Variants in HIF3A observed in about 807,000 individuals in gnomAD.
The protein encoded by HIF3A is hypoxia-inducible factor 3-alpha.
HIF3A carries 41 observed loss-of-function variants against 67.2 expected under a neutral mutation model. That is an observed-to-expected ratio of 0.61 (90% CI 0.48 to 0.79). The LOEUF (loss-of-function observed/expected upper bound fraction) is 0.79, where lower values mean the gene tolerates loss of function less well. HIF3A is among the 30% of genes least tolerant of loss of function. The probability of loss-of-function intolerance (pLI) is 0.00; values close to 1 mark genes in which losing one functional copy is unlikely to be tolerated. For synonymous variants in HIF3A, 356 were observed against 374.8 expected, an observed-to-expected ratio of 0.95 and a Z score of 0.58; for missense variants, 855 against 898.0, an observed-to-expected ratio of 0.95 and a Z score of 0.61.
At chr19:46,333,788 C>CTTTTTTTTTTTTTTTT (rs1165101162) in intron 13 of HIF3A, among the ~76,000 whole-genome samples, 27 of 103,566 alleles carry the variant, frequency 2.6e-4, no homozygotes, top group South Asian at 6.5e-4. Context: ...TTCTTTCTTT[C>CTTTTTTTTTTTTTTTT]TTTTTTTTTT....
In HIF3A at chr19:46,339,729, C is replaced by T; in HGVS notation, c.*107C>T. 1 of 710,646 alleles carries T rather than the reference C, an allele frequency of 1.4e-6. No homozygotes were observed. Among genetic ancestry groups the T allele is most frequent in the African/African-American group, 1.8e-5 (1 of 55,604 alleles). The allele number at this position is 710,646 out of a possible 1,614,324, so 44.0% of individuals were successfully genotyped here. A position where few individuals can be genotyped will look rare whatever the true frequency, so the allele number is the denominator to read the frequency against. ...TGGGGGCGCCAGGAGAGGGGCCCCT[C>T]TCTCCTCTATGTACCCCCTGCCCAC... On this transcript the variant is annotated 3_prime_UTR_variant, in exon 15 of 15. Transcript: ENST00000377670.
chr19:46,319,046 T>G (rs1970159716), intron 8 of HIF3A, among the ~76,000 whole-genome samples: 1 of 152,120 alleles, frequency 6.6e-6, no homozygotes, highest in African/African-American at 2.4e-5. Flanking sequence ...CAGCAGTGCT[T>G]GATGAGGATA....
intron 1 of HIF3A, among the ~76,000 whole-genome samples, chr19:46,300,023 T>C (rs1295693553): frequency 6.6e-6 from 1 of 152,162 alleles, no homozygotes; most frequent in African/African-American, 2.4e-5. Context: ...CATAGTTCAG[T>C]GTCAATGGAG....
intron 1 of HIF3A, among the ~76,000 whole-genome samples, chr19:46,301,977 C>T (rs1339088281): frequency 6.6e-6 from 1 of 151,734 alleles, no homozygotes; most frequent in East Asian, 1.9e-4. Flanking sequence ...CTGCCTATTA[C>T]TAATAGTAAT....
At chr19:46,320,895 T>C (rs1398252899) in intron 9 of HIF3A, among the ~76,000 whole-genome samples, 1 of 152,184 alleles carries the variant, frequency 6.6e-6, no homozygotes, top group Non-Finnish European at 1.5e-5. Context: ...TTCTGCCTCT[T>C]CCCTGTTCTG....
chr19:46,332,617 C>T (rs1377412328), intron 13 of HIF3A, among the ~76,000 whole-genome samples: 1 of 152,220 alleles, frequency 6.6e-6, no homozygotes, highest in African/African-American at 2.4e-5. Flanking sequence ...TCATGGCCCT[C>T]TAGTGCTTAC....
chr19:46,312,486 C>T lies in HIF3A; in HGVS notation c.878-20C>T. 3 of 1,613,664 alleles carry T rather than the reference C, an allele frequency of 1.9e-6. No homozygotes were observed. Among genetic ancestry groups the T allele is most frequent in the African/African-American group, 1.3e-5 (1 of 75,010 alleles). Reference sequence around the variant, plus strand: ...TTTGCCCCCTTGGTGGCCCTGATCCCTCCCGATCCCCCTCCTCAGTGCTGA... The same window carrying T: ...TTTGCCCCCTTGGTGGCCCTGATCCTTCCCGATCCCCCTCCTCAGTGCTGA... On this transcript the variant is annotated intron_variant, in intron 7 of 14. Transcript: ENST00000377670.
chr19:46,297,152 T>A lies in HIF3A; in HGVS notation c.26+50T>A. 1 of 444,514 alleles carries A rather than the reference T, an allele frequency of 2.2e-6. No homozygotes were observed. Among genetic ancestry groups the A allele is most frequent in the Non-Finnish European group, 3.4e-6 (1 of 298,074 alleles). The allele number at this position is 444,514 out of a possible 1,614,324, so 27.5% of individuals were successfully genotyped here. A position where few individuals can be genotyped will look rare whatever the true frequency, so the allele number is the denominator to read the frequency against. On this transcript the variant is annotated intron_variant, in intron 1 of 14. Coordinates refer to ENST00000377670, the MANE Select transcript of HIF3A (RefSeq NM_152795.4). This position sits in a 1 kb window ranked among gnomAD's most constrained non-coding sequence, Gnocchi z 4.5. ...TCTGGGAATTGGGGGGCTCTCCTCCTGGAGACCCCTGAGCTGGATTGTTGG... is the reference window on the plus strand; with the variant it reads ...TCTGGGAATTGGGGGGCTCTCCTCCAGGAGACCCCTGAGCTGGATTGTTGG...
intron 8 of HIF3A, among the ~76,000 whole-genome samples, chr19:46,319,376 G>T (rs1317743312): frequency 6.6e-6 from 1 of 152,134 alleles, no homozygotes; most frequent in Non-Finnish European, 1.5e-5. Context: ...CTGTCCTGAA[G>T]GGGGTTATGC....
chr19:46,334,964 C>G lies in HIF3A; in HGVS notation c.1890C>G (p.Leu630=). ...PGSLQDPSTP[L]LNLNEPLGLG... ...GCCTGCAGGACCCCAGCACCCCACT[C>G]CTGAACCTGAATGAGCCCCTGGGTG... Residue 630 remains leucine, a synonymous_variant, in exon 14 of 15, where the codon CTC becomes CTG. Transcript: ENST00000377670. The G allele has an allele frequency of 6.2e-7, 1 of 1,606,938 alleles. No individual in the cohort carries two copies. The highest frequency in any genetic ancestry group is 8.5e-7 in the Non-Finnish European group (1 of 1,176,680).
In HIF3A at chr19:46,304,374, CAG is replaced by C. The variant is rs1466449470; in HGVS notation, c.217+288_217+289del. ...TTGGAAGCCCCGCCTCCTTAGGACT[CAG>C]AAAATCCGCTAACCCTTCAACTCTT... is the stretch of plus-strand genomic sequence containing the variant. On this transcript the variant is annotated intron_variant, in intron 2 of 14. Coordinates refer to ENST00000377670, the MANE Select transcript of HIF3A (RefSeq NM_152795.4). 3.9e-5 allele frequency among the ~76,000 whole-genome samples: 6 copies of C among 152,130 alleles called. No homozygotes were observed. In the South Asian group the frequency reaches 1.0e-3, roughly 26 times the overall value.
At chr19:46,324,727 G>A (rs953063188) in intron 10 of HIF3A, among the ~76,000 whole-genome samples, 23 of 151,384 alleles carry the variant, frequency 1.5e-4, no homozygotes, top group Admixed American at 1.4e-3. Flanking sequence ...GGTGGAGGGC[G>A]CCTGTAATCC....
chr19:46,328,133 G>A (rs1970927875), intron 11 of HIF3A, among the ~76,000 whole-genome samples: 1 of 152,212 alleles, frequency 6.6e-6, no homozygotes, highest in African/African-American at 2.4e-5. Context: ...TAATCACAAT[G>A]GTGGTTCTTT....
intron 14 of HIF3A, among the ~76,000 whole-genome samples, chr19:46,339,258 C>T (rs556917145): frequency 6.6e-6 from 1 of 152,004 alleles, no homozygotes; most frequent in African/African-American, 2.4e-5. Context: ...TTGTATAACC[C>T]GACCCCAGCC....
chr19:46,326,103 T>A (rs1970761009), intron 11 of HIF3A, among the ~76,000 whole-genome samples: 1 of 152,230 alleles, frequency 6.6e-6, no homozygotes. Flanking sequence ...GAAGTCAAAC[T>A]CTCAGTCAGG....
At chr19:46,307,807 G>T (rs1240744583) in intron 3 of HIF3A, among the ~76,000 whole-genome samples, 5 of 151,974 alleles carry the variant, frequency 3.3e-5, no homozygotes, top group African/African-American at 1.2e-4. Flanking sequence ...TGTAGTCCCA[G>T]CTACTGAGGA....
At chr19:46,312,423 G>T in intron 7 of HIF3A, 83 bp from the exon 8 acceptor site, 3 of 1,602,588 alleles carry the variant, frequency 1.9e-6, no homozygotes, top group Non-Finnish European at 2.6e-6. Context: ...CTCCTTCCTT[G>T]CCCCCTCATA....
chr19:46,312,553 C>T lies in HIF3A; in HGVS notation c.925C>T (p.Arg309Trp), dbSNP rs749055931. ...AVTGQYRFLA[R>W]SGGYLWTQTQ... ...AACAGGGCAGTATCGCTTCCTGGCC[C>T]GGAGTGGTGGCTACCTGTGGACCCA... The change falls in exon 8 of 15, where the codon CGG (arginine) becomes TGG (tryptophan). Residue 309 changes from arginine (R) to tryptophan (W), a missense_variant. This residue lies in a region of HIF3A where 638 missense variants were observed against 660.5 expected (regional missense o/e 0.97). Coordinates refer to ENST00000377670, the MANE Select transcript of HIF3A (RefSeq NM_152795.4). 5.0e-6 allele frequency: 8 copies of T among 1,613,690 alleles called. No homozygotes were observed. Among genetic ancestry groups the T allele is most frequent in the Admixed American group, 1.7e-5 (1 of 59,926 alleles).
chr19:46,322,227 A>G (rs1159189956), intron 10 of HIF3A, among the ~76,000 whole-genome samples: 1 of 152,064 alleles, frequency 6.6e-6, no homozygotes, highest in African/African-American at 2.4e-5. Context: ...TAATGCAACA[A>G]TCGTCAACAC....
Sources: gnomAD v4.1 joint callset for allele counts (sites outside exome capture counted in the v4.1 genomes callset) on GRCh38, gnomAD v4.1.1 for gene constraint, gnomAD v4.1.1 regional missense constraint, Gnocchi (gnomAD v3.1) non-coding constraint, MANE v1.5 for transcripts, NCBI Gene and HGNC (gene_info 2026-07-23, HGNC 2026-07-21) for gene names.